Variants in ATG10 observed in about 807,000 individuals in gnomAD.
The protein encoded by ATG10 is autophagy related 10.
Under a neutral mutation model 32.1 loss-of-function variants are expected in ATG10, and 30 were observed. The observed-to-expected ratio is 0.94, with a 90% CI of 0.70 to 1.27. The LOEUF is 1.27. Among genes scored for constraint, ATG10 ranks in the 50% most tolerant of loss-of-function variants. ATG10 has a pLI of 0.00. For synonymous variants in ATG10, 87 were observed against 91.5 expected (o/e 0.95, Z 0.28); for missense variants, 233 against 262.3 (o/e 0.89, Z 0.77).
intron 3 of ATG10, among the ~76,000 whole-genome samples, chr5:82,152,545 A>G (rs1178115732): frequency 6.6e-6 from 1 of 152,216 alleles, no homozygotes; most frequent in Non-Finnish European, 1.5e-5. Flanking sequence ...GAAATCTAAG[A>G]GCCAAATAGG....
intron 3 of ATG10, among the ~76,000 whole-genome samples, chr5:82,115,272 G>A (rs1765763006): frequency 6.6e-6 from 1 of 152,006 alleles, no homozygotes; most frequent in South Asian, 2.1e-4. Flanking sequence ...TGTTAATTTT[G>A]TTAGGTGTGA....
At chr5:82,025,347 T>G (rs1469402115) in intron 2 of ATG10, among the ~76,000 whole-genome samples, 1 of 152,186 alleles carries the variant, frequency 6.6e-6, no homozygotes, top group African/African-American at 2.4e-5. Context: ...TAAGGCTGCT[T>G]ATGATGCATT....
At chr5:82,207,872 G>T (rs1247755963) in intron 5 of ATG10, among the ~76,000 whole-genome samples, 1 of 152,084 alleles carries the variant, frequency 6.6e-6, no homozygotes, top group African/African-American at 2.4e-5. Flanking sequence ...CATTTTAACT[G>T]TAATAAATTA....
chr5:82,124,908 A>C (rs1766198293), intron 3 of ATG10, among the ~76,000 whole-genome samples: 1 of 152,140 alleles, frequency 6.6e-6, no homozygotes. Context: ...TCCATCCACC[A>C]GTGTAAAAGC....
chr5:82,201,179 C>G (rs193260400), intron 5 of ATG10, among the ~76,000 whole-genome samples: 1 of 152,192 alleles, frequency 6.6e-6, no homozygotes, highest in East Asian at 1.9e-4. Context: ...GCCACCTTGC[C>G]CGGCCTAAAA....
intron 4 of ATG10, 79 bp downstream of exon 4, chr5:82,164,616 C>A: frequency 7.3e-7 from 1 of 1,362,624 alleles, no homozygotes; most frequent in Admixed American, 2.3e-5. Context: ...AAATTATTCT[C>A]CAGAGGAAAA....
At chr5:82,103,500 G>A (rs1357917631) in intron 3 of ATG10, among the ~76,000 whole-genome samples, 2 of 152,014 alleles carry the variant, frequency 1.3e-5, no homozygotes, top group Non-Finnish European at 2.9e-5. Context: ...CCACTTACCT[G>A]GGGCTTGTTA....
intron 3 of ATG10, chr5:82,073,585 A>T (rs1386852224): frequency 6.6e-6 from 1 of 152,236 alleles, no homozygotes; most frequent in East Asian, 1.9e-4. Flanking sequence ...ATGGGATCCC[A>T]AATACAGGAG....
intron 4 of ATG10, among the ~76,000 whole-genome samples, chr5:82,177,292 CTT>C (rs918404033): frequency 1.3e-5 from 2 of 152,136 alleles, no homozygotes; most frequent in Admixed American, 6.6e-5. Context: ...GGATTTAAAA[CTT>C]AGTCCAGATT....
intron 2 of ATG10, among the ~76,000 whole-genome samples, chr5:82,035,411 A>T (rs1230281670): frequency 6.6e-6 from 1 of 152,204 alleles, no homozygotes; most frequent in African/African-American, 2.4e-5. Context: ...AATAATATTT[A>T]TTGAATGAGT....
rs185077092 is a variant in ATG10, at chr5:82,252,147, T to G, written c.454-415T>G. Reference sequence around the variant, plus strand: ...GTGTAAAGAAATATGCAAATGATTTTGAGTCTCTTACCATTGACAAAGAGG... The same window carrying G: ...GTGTAAAGAAATATGCAAATGATTTGGAGTCTCTTACCATTGACAAAGAGG... On this transcript the variant is annotated intron_variant, in intron 5 of 7. Transcript: ENST00000282185. 3.4e-3 allele frequency among the ~76,000 whole-genome samples: 518 copies of G among 152,332 alleles called. 10 individuals carry two copies. Among genetic ancestry groups the G allele is most frequent in the Non-Finnish European group, 7.8e-4 (53 of 68,026 alleles).
chr5:82,072,736 G>A (rs749916944), intron 3 of ATG10, among the ~76,000 whole-genome samples: 9 of 152,092 alleles, frequency 5.9e-5, no homozygotes, highest in Non-Finnish European at 1.2e-4. Context: ...AATAAAAGTC[G>A]ATCCACCTTC....
intron 3 of ATG10, among the ~76,000 whole-genome samples, chr5:82,067,012 A>G (rs1302959659): frequency 6.6e-6 from 1 of 152,186 alleles, no homozygotes; most frequent in East Asian, 1.9e-4. Context: ...TTTAATGTGC[A>G]TAGATGCAAA....
chr5:82,061,652 A>T (rs1297761692), intron 3 of ATG10, among the ~76,000 whole-genome samples: 1 of 149,662 alleles, frequency 6.7e-6, no homozygotes, highest in Non-Finnish European at 1.5e-5. Context: ...TTGATTAATT[A>T]TATGTGTATT....
At chr5:82,246,025 C>T (rs1747015146) in intron 5 of ATG10, among the ~76,000 whole-genome samples, 1 of 150,830 alleles carries the variant, frequency 6.6e-6, no homozygotes, top group Non-Finnish European at 1.5e-5. Flanking sequence ...CTCTCAAAAA[C>T]ATGCTTACTA....
chr5:82,233,271 A>G (rs1746434509), intron 5 of ATG10, among the ~76,000 whole-genome samples: 2 of 152,156 alleles, frequency 1.3e-5, no homozygotes, highest in South Asian at 2.1e-4. Flanking sequence ...CTGTACCTCT[A>G]CTGTCTGACA....
chr5:82,004,698 C>T (rs976182949), intron 2 of ATG10, among the ~76,000 whole-genome samples: 6 of 152,124 alleles, frequency 3.9e-5, no homozygotes, highest in East Asian at 1.9e-4. Context: ...GTGTGACTCA[C>T]GGTGAGTCTG....
At chr5:82,245,729 G>T (rs538278898) in intron 5 of ATG10, among the ~76,000 whole-genome samples, 8 of 151,994 alleles carry the variant, frequency 5.3e-5, no homozygotes, top group Non-Finnish European at 1.0e-4. Flanking sequence ...TAACTCAAGG[G>T]TTTATATTCA....
At chr5:82,175,322 T>G (rs540106257) in intron 4 of ATG10, among the ~76,000 whole-genome samples, 1 of 152,316 alleles carries the variant, frequency 6.6e-6, no homozygotes, top group East Asian at 1.9e-4. Context: ...TATAGCCACA[T>G]TTTTGTAAAG....
Sources: allele counts gnomAD v4.1 joint callset (sites outside exome capture counted in the v4.1 genomes callset), GRCh38; gene constraint gnomAD v4.1.1; transcripts MANE v1.5; gene names NCBI Gene and HGNC (gene_info 2026-07-23, HGNC 2026-07-21).